Variants in SEC31B observed in about 807,000 individuals in gnomAD.
SEC31B encodes the protein SEC31 homolog B, COPII component, also known as protein transport protein Sec31B.
In SEC31B, 113 loss-of-function variants were observed where a neutral mutation model predicts 135.0. The ratio of observed to expected loss-of-function variants is 0.84; its 90% CI spans 0.72 to 0.98. SEC31B has a LOEUF of 0.98. Ranked by LOEUF, SEC31B falls within the 50% of genes least tolerant of loss-of-function variation. The pLI is 0.00. For missense variants in SEC31B, 1,296 were observed against 1,421.1 expected, an observed-to-expected ratio of 0.91 and a Z score of 1.42; for synonymous variants, 508 against 549.4, an observed-to-expected ratio of 0.92 and a Z score of 1.05.
Position 100,499,523 on chromosome 10 carries a change from C to T in SEC31B, c.1485+1G>A. The T allele has an allele frequency of 3.1e-6, 5 of 1,605,468 alleles. No individual in the cohort carries two copies. Among genetic ancestry groups the T allele is most frequent in the South Asian group, 2.2e-5 (2 of 89,232 alleles). ...TGTTTCTGATGTGAAAAGCAGCTTA[C>T]CTTCTTCTGAAGCTCATCTTTACTG... On this transcript the variant is annotated splice_donor_variant, in intron 12 of 25. Transcript: ENST00000370345. LOFTEE classifies it high-confidence loss of function.
intron 3 of SEC31B, among the ~76,000 whole-genome samples, chr10:100,513,498 GCT>G (rs1196293085): frequency 2.0e-5 from 3 of 151,938 alleles, no homozygotes; most frequent in African/African-American, 7.3e-5. Context: ...GCAGGGTCTT[GCT>G]CTGTCACCCA....
intron 7 of SEC31B, among the ~76,000 whole-genome samples, chr10:100,506,841 T>C (rs1179909487): frequency 6.6e-6 from 1 of 152,184 alleles, no homozygotes; most frequent in Non-Finnish European, 1.5e-5. Context: ...GGCTCATGCT[T>C]GTAATCCCAA....
chr10:100,511,619 G>A (rs2133695879), intron 3 of SEC31B, among the ~76,000 whole-genome samples: 1 of 152,238 alleles, frequency 6.6e-6, no homozygotes. Flanking sequence ...TTTTAAAAAA[G>A]AAAGAAATAT....
In SEC31B at chr10:100,490,867, G is replaced by A. The variant is rs777239925; in HGVS notation, c.2489C>T (p.Pro830Leu). 2 of 1,528,580 alleles carry A rather than the reference G, an allele frequency of 1.3e-6. No individual in the cohort carries two copies. Among genetic ancestry groups the A allele is most frequent in the Middle Eastern group, 3.5e-4 (2 of 5,680 alleles). The allele number at this position is 1,528,580 out of a possible 1,614,324, so 94.7% of individuals were successfully genotyped here. The change falls in exon 20 of 26, where the codon CCA becomes CTA. Residue 830 changes from proline to leucine, a missense_variant. By Grantham distance (98) the Pro-to-Leu change is moderately conservative. Transcript: ENST00000370345. ...QPSHQVPTPS[P>L]RPRVFTPQSS... is the part of the protein sequence containing the mutation. ...CTGAGGGGTGAAAACCCTTGGCCTT[G>A]GAGATGGAGTTGGGACCTATGAAGA...
In SEC31B at chr10:100,498,095, C is replaced by T; in HGVS notation, c.1797G>A (p.Gly599=). Residue 599 remains glycine (G), a synonymous_variant, in exon 15 of 26, where the codon GGG becomes GGA. Coordinates refer to ENST00000370345, the MANE Select transcript of SEC31B (RefSeq NM_015490.4). The part of the protein sequence containing the change: ...FADAIILAQA[G]GTDLLKQTQE... The stretch of plus-strand genomic sequence containing the variant: ...GTGTTTGCTTCAGCAGATCTGTACC[C>T]CCAGCCTGGGCCAGGATAATGGCAT... The T allele has an allele frequency of 6.2e-7, 1 of 1,614,164 alleles. No homozygotes were observed. Among genetic ancestry groups the T allele is most frequent in the Non-Finnish European group, 8.5e-7 (1 of 1,180,022 alleles).
At chr10:100,490,588 A>G in intron 20 of SEC31B, 118 bp downstream of exon 20, 1 of 1,114,018 alleles carries the variant, frequency 9.0e-7, no homozygotes, top group Non-Finnish European at 1.2e-6. Flanking sequence ...TCAGACTTCA[A>G]CTTCCAAGCT....
At chr10:100,505,690 A>G in intron 9 of SEC31B, 195 bp from the exon 10 acceptor site, 1 of 874,994 alleles carries the variant, frequency 1.1e-6, no homozygotes, top group Non-Finnish European at 1.5e-6. Flanking sequence ...TCTTGGAAAG[A>G]CTACTACATT....
intron 3 of SEC31B, 118 bp downstream of exon 3, chr10:100,515,978 C>T: frequency 7.8e-7 from 1 of 1,279,322 alleles, no homozygotes; most frequent in Non-Finnish European, 1.1e-6. Context: ...TTTTCTCCAA[C>T]TTGGCAAAGC....
At position 100,502,258 on chromosome 10, in the gene SEC31B, A is replaced by G. The variant is rs145620670; in HGVS notation, c.1406T>C (p.Leu469Pro). Residue 469 changes from leucine (L) to proline (P), a missense_variant, in exon 11 of 26, where the codon CTG (leucine) becomes CCG (proline). Coordinates refer to ENST00000370345, the MANE Select transcript of SEC31B (RefSeq NM_015490.4). ...LQSEKMLWQF[L>P]KVTLEQDSRM... ...GCTAGCCTTCAGGCTTCCCACCTTC[A>G]GGAACTGCCACAGCATCTTTTCACT... 1,852 of 1,613,432 alleles carry G rather than the reference A, an allele frequency of 1.1e-3. 4 individuals carry two copies. Among genetic ancestry groups the G allele is most frequent in the Non-Finnish European group, 1.1e-3 (1,278 of 1,179,524 alleles).
intron 17 of SEC31B, 60 bp downstream of exon 17, chr10:100,497,075 C>T: frequency 3.8e-6 from 6 of 1,589,402 alleles, no homozygotes; most frequent in South Asian, 1.1e-5. Context: ...TGCACATCTC[C>T]ACCACTAGCC....
Position 100,497,269 on chromosome 10 carries a change from T to C in SEC31B, c.2002A>G (p.Thr668Ala). ...CTGCTGCCCTCCTGTTCCATGCGAG[T>C]TCCCAGCATGTCTGCAGAGAGAGGG... ...KFPELCDMLGTRMEQEGSRAL... is the reference protein window; with the variant it reads ...KFPELCDMLGARMEQEGSRAL... Residue 668 changes from threonine (T) to alanine (A), a missense_variant, in exon 17 of 26, where the codon ACT becomes GCT. Physicochemically the swap from Thr to Ala is moderately conservative, Grantham distance 58. Coordinates refer to ENST00000370345, the MANE Select transcript of SEC31B (RefSeq NM_015490.4). 3.1e-6 allele frequency: 5 copies of C among 1,614,000 alleles called. No individual in the cohort carries two copies. The highest frequency in any genetic ancestry group is 4.2e-6 in the Non-Finnish European group (5 of 1,179,896).
Position 100,505,312 on chromosome 10 carries a change from A to G in SEC31B, c.1179+49T>C, listed in dbSNP as rs745593113. 4 of 1,596,486 alleles carry G rather than the reference A, an allele frequency of 2.5e-6. No individual in the cohort carries two copies. In the East Asian group the frequency reaches 9.2e-5, roughly 37 times the overall value. ...GTAGGCTTCACAAACACACACACACACACACACACACACAAACACACACAC... is the reference window on the plus strand; with the variant it reads ...GTAGGCTTCACAAACACACACACACGCACACACACACACAAACACACACAC... On this transcript the variant is annotated intron_variant, in intron 10 of 25. Transcript: ENST00000370345.
rs1851921411 is a variant in SEC31B, at chr10:100,519,817, C to A, written c.-81G>T. 6.6e-6 allele frequency: 1 copy of A among 152,298 alleles called. No individual in the cohort carries two copies. Among genetic ancestry groups the A allele is most frequent in the Non-Finnish European group, 1.5e-5 (1 of 68,096 alleles). The allele number at this position is 152,298 out of a possible 1,614,324, so 9.4% of individuals were successfully genotyped here. On this transcript the variant is annotated 5_prime_UTR_variant, in exon 1 of 26. Coordinates refer to ENST00000370345, the MANE Select transcript of SEC31B (RefSeq NM_015490.4). ...GACCCCGGACAAGGGTCAGGCGCGG[C>A]GGCCGGAGCCGCTCCTCTGGCAGGG...
intron 1 of SEC31B, 62 bp downstream of exon 1, chr10:100,519,720 T>C (rs1390990318): frequency 6.6e-6 from 1 of 152,352 alleles, no homozygotes; most frequent in South Asian, 2.1e-4. Context: ...AAAGGAGCAG[T>C]GCTCCGGGTC....
At chr10:100,516,251 C>A (rs199676845) in intron 2 of SEC31B, 32 bp from the exon 3 acceptor site, 1 of 1,607,898 alleles carries the variant, frequency 6.2e-7, no homozygotes, top group Admixed American at 1.7e-5. Context: ...ATATGAGCAA[C>A]AATATATGCA....
intron 1 of SEC31B, among the ~76,000 whole-genome samples, chr10:100,518,861 A>T (rs559096771): frequency 2.7e-4 from 41 of 152,366 alleles, no homozygotes; most frequent in Middle Eastern, 3.4e-3. Flanking sequence ...AAGCACCTTT[A>T]AACACTTGTG....
chr10:100,493,189 T>C (rs796184181), intron 19 of SEC31B, among the ~76,000 whole-genome samples: 13 of 152,098 alleles, frequency 8.5e-5, no homozygotes, highest in African/African-American at 2.4e-4. Flanking sequence ...CTGGCTAACA[T>C]GGTGAAACCC....
chr10:100,499,673 A>G (rs1851480411), intron 11 of SEC31B, 75 bp from the exon 12 acceptor site: 7 of 1,115,548 alleles, frequency 6.3e-6, no homozygotes, highest in Non-Finnish European at 9.3e-6. Flanking sequence ...CAAGCTGGGT[A>G]TCTGTGCCAG....
intron 13 of SEC31B, 83 bp downstream of exon 13, chr10:100,499,077 G>T: frequency 8.8e-7 from 1 of 1,131,502 alleles, no homozygotes; most frequent in Non-Finnish European, 1.3e-6. Flanking sequence ...AGACAGCAAA[G>T]AAAAGGGCCA....
Sources: allele counts gnomAD v4.1 joint callset (sites outside exome capture counted in the v4.1 genomes callset), GRCh38; gene constraint gnomAD v4.1.1; transcripts MANE v1.5; gene names NCBI Gene and HGNC (gene_info 2026-07-23, HGNC 2026-07-21).